Variants in SNX29 observed in about 807,000 individuals in gnomAD.
The protein encoded by SNX29 is sorting nexin-29.
Under a neutral mutation model 102.1 loss-of-function variants are expected in SNX29, and 78 were observed. The observed-to-expected ratio is 0.76, with a 90% CI of 0.64 to 0.92. The LOEUF is 0.92. Among genes scored for constraint, SNX29 ranks in the 40% least tolerant of loss-of-function variants. SNX29 has a pLI of 0.00. For missense variants in SNX29, 1,280 were observed against 1,061.7 expected (o/e 1.21, Z -2.86); for synonymous variants, 580 against 414.5 (o/e 1.40, Z -4.85).
intron 20 of SNX29, among the ~76,000 whole-genome samples, chr16:12,541,090 C>A (rs947151899): frequency 6.6e-6 from 1 of 152,168 alleles, no homozygotes; most frequent in African/African-American, 2.4e-5. Context: ...CCTCATGCAT[C>A]CACTCCAGGT....
intron 11 of SNX29, among the ~76,000 whole-genome samples, chr16:12,102,034 G>C (rs1177453656): frequency 6.6e-6 from 1 of 152,140 alleles, no homozygotes; most frequent in Non-Finnish European, 1.5e-5. Flanking sequence ...TTTTGTCCTT[G>C]TGATAATTTG....
At chr16:12,445,020 T>C (rs2085985995) in intron 18 of SNX29, among the ~76,000 whole-genome samples, 1 of 152,028 alleles carries the variant, frequency 6.6e-6, no homozygotes, top group South Asian at 2.1e-4. Context: ...CCAGCTAATT[T>C]TGGTATTTTT....
At chr16:12,557,083 A>G (rs1430387351) in intron 20 of SNX29, among the ~76,000 whole-genome samples, 1 of 145,750 alleles carries the variant, frequency 6.9e-6, no homozygotes, top group African/African-American at 2.5e-5. Context: ...TGCCAGGCTC[A>G]AGCCATCTAG....
intron 20 of SNX29, among the ~76,000 whole-genome samples, chr16:12,559,434 G>C (rs991637792): frequency 1.1e-4 from 17 of 151,290 alleles, no homozygotes; most frequent in African/African-American, 3.9e-4. Flanking sequence ...AACAAGCTCA[G>C]GGCTCCCAAT....
In SNX29 at chr16:12,107,356, T is replaced by A. The variant is rs200048044; in HGVS notation, c.1403-19277T>A. Among the ~76,000 whole-genome samples the A allele has an allele frequency of 2.0e-3, 291 of 149,128 alleles. 1 individual carries two copies. The highest frequency in any genetic ancestry group is 6.3e-3 in the East Asian group (31 of 4,900). ...ACTGTGGGTTTTTTTTTTTTTTTTT[T>A]AAAACGTTTTTGCTTCGAAAGAATT... On this transcript the variant is annotated intron_variant, in intron 11 of 20. Coordinates refer to ENST00000566228, the MANE Select transcript of SNX29 (RefSeq NM_032167.5).
At chr16:12,194,247 T>C (rs1010548997) in intron 13 of SNX29, among the ~76,000 whole-genome samples, 2 of 152,228 alleles carry the variant, frequency 1.3e-5, no homozygotes, top group Non-Finnish European at 2.9e-5. Flanking sequence ...TTGGAGCTGT[T>C]ATAAATGATT....
intron 14 of SNX29, among the ~76,000 whole-genome samples, chr16:12,251,113 C>T (rs984350599): frequency 1.3e-5 from 2 of 152,236 alleles, no homozygotes; most frequent in African/African-American, 4.8e-5. Flanking sequence ...GCAAGGCAAA[C>T]TTCCTGGGTT....
intron 15 of SNX29, among the ~76,000 whole-genome samples, chr16:12,331,276 T>G (rs1173335780): frequency 2.0e-5 from 3 of 152,192 alleles, no homozygotes; most frequent in Non-Finnish European, 1.5e-5. Context: ...GACAGAGCCT[T>G]CTCTACGTGC....
Position 12,569,207 on chromosome 16 carries a change from C to G in SNX29, c.*578C>G, listed in dbSNP as rs1190689403. The G allele has an allele frequency of 4.6e-6, 1 of 216,572 alleles. No homozygotes were observed. The highest frequency in any genetic ancestry group is 9.2e-6 in the Non-Finnish European group (1 of 109,204). The allele number at this position is 216,572 out of a possible 1,614,324, so 13.4% of individuals were successfully genotyped here. A position where few individuals can be genotyped will look rare whatever the true frequency, so the allele number is the denominator to read the frequency against. On this transcript the variant is annotated 3_prime_UTR_variant, in exon 21 of 21. Coordinates refer to ENST00000566228, the MANE Select transcript of SNX29 (RefSeq NM_032167.5). ...AGACACCTGGCACTGTCACAGCTCA[C>G]TTTTCCAGAGGGATATTCCTGTGGC...
At chr16:12,435,686 C>A (rs756605335) in intron 18 of SNX29, among the ~76,000 whole-genome samples, 1 of 152,232 alleles carries the variant, frequency 6.6e-6, no homozygotes, top group African/African-American at 2.4e-5. Context: ...AGTCTGGGTC[C>A]TCAGCCTTGT....
At chr16:12,176,182 C>G (rs1408931793) in intron 13 of SNX29, among the ~76,000 whole-genome samples, 1 of 152,188 alleles carries the variant, frequency 6.6e-6, no homozygotes, top group Admixed American at 6.5e-5. Flanking sequence ...GCCTCCAGAA[C>G]TGTGAGAAAT....
At chr16:12,404,446 C>T (rs1381241666) in intron 18 of SNX29, among the ~76,000 whole-genome samples, 2 of 152,150 alleles carry the variant, frequency 1.3e-5, no homozygotes, top group Non-Finnish European at 2.9e-5. Flanking sequence ...GATTTCCAGG[C>T]TTTGGTGTGC....
At chr16:12,384,278 T>G (rs186518767) in intron 16 of SNX29, among the ~76,000 whole-genome samples, 1 of 152,214 alleles carries the variant, frequency 6.6e-6, no homozygotes, top group Non-Finnish European at 1.5e-5. Context: ...CTATTTTTAG[T>G]TTTTTGAGAA....
intron 4 of SNX29, among the ~76,000 whole-genome samples, chr16:12,041,359 G>A (rs534044780): frequency 4.7e-4 from 72 of 152,288 alleles, no homozygotes; most frequent in Middle Eastern, 3.4e-3. Flanking sequence ...TGATCCGCTC[G>A]CATCGGCCTC....
rs1376117172 is a variant in SNX29, at chr16:12,572,961, A to C, written c.*4332A>C. ...GGCATCTGCTTATGAGCAAGGTCAA[A>C]GATTTTTCAAAATATTGTGCATTAA... On this transcript the variant is annotated 3_prime_UTR_variant, in exon 21 of 21. Coordinates refer to ENST00000566228, the MANE Select transcript of SNX29 (RefSeq NM_032167.5). 3 of 612,054 alleles carry C rather than the reference A, an allele frequency of 4.9e-6. No individual in the cohort carries two copies. The Admixed American group carries it at 1.7e-4, about 34-fold the overall frequency. The allele number at this position is 612,054 out of a possible 1,614,324, so 37.9% of individuals were successfully genotyped here. A position where few individuals can be genotyped will look rare whatever the true frequency, so the allele number is the denominator to read the frequency against.
intron 4 of SNX29, among the ~76,000 whole-genome samples, chr16:12,042,576 C>G (rs1371534720): frequency 6.6e-6 from 1 of 152,108 alleles, no homozygotes; most frequent in African/African-American, 2.4e-5. Context: ...TGAGACTATC[C>G]AATATTTCGT....
chr16:12,559,629 C>T (rs2078598570), intron 20 of SNX29, among the ~76,000 whole-genome samples: 1 of 152,070 alleles, frequency 6.6e-6, no homozygotes, highest in Admixed American at 6.6e-5. Flanking sequence ...TTGCACATGG[C>T]CCTGTATCCA....
intron 15 of SNX29, among the ~76,000 whole-genome samples, chr16:12,312,993 C>T (rs138420252): frequency 8.0e-5 from 12 of 149,840 alleles, no homozygotes; most frequent in Non-Finnish European, 1.5e-4. Flanking sequence ...AAAGGAGCTT[C>T]GGACCCTGGG....
intron 3 of SNX29, among the ~76,000 whole-genome samples, chr16:12,008,731 G>GTTTTTTT (rs57686878): frequency 1.4e-5 from 2 of 139,954 alleles, no homozygotes; most frequent in Non-Finnish European, 1.6e-5. Context: ...ATTGTATTTA[G>GTTTTTTT]TTTTTTTTTT....
Sources: gnomAD v4.1 joint callset for allele counts (sites outside exome capture counted in the v4.1 genomes callset) on GRCh38, gnomAD v4.1.1 for gene constraint, MANE v1.5 for transcripts, NCBI Gene and HGNC (gene_info 2026-07-23, HGNC 2026-07-21) for gene names.